The following CSMD1 variants were observed in gnomAD, a reference collection of about 807,000 sequenced individuals.
The protein encoded by CSMD1 is CUB and sushi domain-containing protein 1.
In CSMD1, 213 loss-of-function variants were observed where a neutral mutation model predicts 417.5. That is an observed-to-expected ratio of 0.51 (90% CI 0.46 to 0.57). The LOEUF is 0.57. Among genes scored for constraint, CSMD1 ranks in the 20% least tolerant of loss-of-function variants. The probability of loss-of-function intolerance (pLI) is 0.00; values close to 1 mark genes in which losing one functional copy is unlikely to be tolerated. For synonymous variants in CSMD1, 2,862 were observed against 1,736.8 expected, an observed-to-expected ratio of 1.65 and a Z score of -16.11; for missense variants, 6,923 against 4,529.7, an observed-to-expected ratio of 1.53 and a Z score of -15.17.
At chr8:3,342,921 CAA>C (rs1807755698) in intron 23 of CSMD1, among the ~76,000 whole-genome samples, 1 of 143,716 alleles carries the variant, frequency 7.0e-6, no homozygotes, top group East Asian at 1.9e-4. Context: ...GTGTGTCATT[CAA>C]AGTCTATTAC....
chr8:3,451,852 G>A (rs1815742282), intron 12 of CSMD1, among the ~76,000 whole-genome samples: 2 of 152,160 alleles, frequency 1.3e-5, no homozygotes. Context: ...ATTACGTGAA[G>A]AAAGTCATTG....
chr8:4,100,868 G>A (rs1179013768), intron 3 of CSMD1, among the ~76,000 whole-genome samples: 1 of 152,160 alleles, frequency 6.6e-6, no homozygotes, highest in Non-Finnish European at 1.5e-5. Context: ...AAAAATATAT[G>A]TTAGAAAGCC....
At chr8:4,730,817 G>A (rs192758084) in intron 1 of CSMD1, among the ~76,000 whole-genome samples, 2 of 152,144 alleles carry the variant, frequency 1.3e-5, no homozygotes, top group African/African-American at 2.4e-5. Flanking sequence ...GATTTTCTTG[G>A]TTTTTGTGCA....
intron 35 of CSMD1, among the ~76,000 whole-genome samples, 198 bp downstream of exon 35, chr8:3,188,689 G>T (rs373413116): frequency 0.14 from 20,955 of 151,868 alleles, 1,816 homozygotes; most frequent in Admixed American, 0.21. Flanking sequence ...ATAGAAAAAT[G>T]GTTAGAAATA....
intron 7 of CSMD1, among the ~76,000 whole-genome samples, chr8:3,617,208 T>G (rs554989460): frequency 6.6e-6 from 1 of 152,200 alleles, no homozygotes; most frequent in Admixed American, 6.5e-5. Context: ...ATTTACTAAC[T>G]TCTATACAAA....
intron 1 of CSMD1, among the ~76,000 whole-genome samples, chr8:4,731,912 G>C (rs1207668688): frequency 6.6e-6 from 1 of 151,924 alleles, no homozygotes; most frequent in Non-Finnish European, 1.5e-5. Context: ...TTCTTATAGG[G>C]CCAAAGATAA....
intron 1 of CSMD1, among the ~76,000 whole-genome samples, chr8:4,739,727 G>A (rs772181210): frequency 2.0e-5 from 3 of 152,080 alleles, no homozygotes; most frequent in East Asian, 3.9e-4. Context: ...GGAGCTCGTG[G>A]TGGTACTTTG....
intron 3 of CSMD1, among the ~76,000 whole-genome samples, chr8:4,275,697 T>C (rs1796445836): frequency 1.3e-5 from 2 of 152,208 alleles, no homozygotes; most frequent in Admixed American, 6.5e-5. Context: ...GTTTTAGTGA[T>C]AATACTCAGT....
chr8:3,755,382 T>G (rs1797600021), intron 5 of CSMD1, among the ~76,000 whole-genome samples: 1 of 152,256 alleles, frequency 6.6e-6, no homozygotes, highest in Admixed American at 6.5e-5. Context: ...ATTCTCCATG[T>G]GCTCTACAAG....
chr8:3,307,417 T>TTTTTTTCAGCTACTAAAAGTCATGATG, intron 25 of CSMD1, among the ~76,000 whole-genome samples: 1 of 2,216 alleles, frequency 4.5e-4, no homozygotes, highest in South Asian at 6.7e-3. Flanking sequence ...AGTCATGATG[T>TTTTTTTCAGCTACTAAAAGTCATGATG]TTTTTTTCAG....
intron 2 of CSMD1, among the ~76,000 whole-genome samples, chr8:4,471,999 A>G (rs997558994): frequency 2.0e-5 from 3 of 152,170 alleles, no homozygotes; most frequent in African/African-American, 4.8e-5. Flanking sequence ...CTCTAACCCT[A>G]AGAATCAACA....
At chr8:3,750,981 G>T (rs113570505) in intron 6 of CSMD1, among the ~76,000 whole-genome samples, 4 of 152,052 alleles carry the variant, frequency 2.6e-5, no homozygotes, top group African/African-American at 9.7e-5. Flanking sequence ...GATGGGTCTT[G>T]TCATCTTCCT....
At chr8:4,853,154 C>G (rs991375192) in intron 1 of CSMD1, among the ~76,000 whole-genome samples, 3 of 152,152 alleles carry the variant, frequency 2.0e-5, no homozygotes, top group Non-Finnish European at 4.4e-5. Flanking sequence ...CAAACACTTT[C>G]TAGAGAGATT....
chr8:3,212,831 C>CT (rs35152655), intron 30 of CSMD1, among the ~76,000 whole-genome samples: 23,792 of 138,370 alleles, frequency 0.17, 2,400 homozygotes, highest in Admixed American at 0.24. Context: ...TTCTTATATA[C>CT]TTTTTTTTTT....
At chr8:3,390,535 G>C (rs955383129) in intron 17 of CSMD1, among the ~76,000 whole-genome samples, 2 of 151,894 alleles carry the variant, frequency 1.3e-5, no homozygotes, top group Non-Finnish European at 2.9e-5. Flanking sequence ...ACAGCACAAA[G>C]AGAAATACAG....
intron 8 of CSMD1, among the ~76,000 whole-genome samples, chr8:3,588,795 C>G (rs2449184): frequency 0.35 from 52,753 of 151,966 alleles, 10,348 homozygotes; most frequent in Middle Eastern, 0.44. Context: ...AAGAGACACC[C>G]TGCAGAATGG....
At chr8:3,670,484 A>C (rs1275717121) in intron 7 of CSMD1, among the ~76,000 whole-genome samples, 1 of 146,856 alleles carries the variant, frequency 6.8e-6, no homozygotes, top group Non-Finnish European at 1.5e-5. Context: ...ATATATATAT[A>C]TCCCGTATAT....
chr8:4,465,100 G>A (rs1296544020), intron 2 of CSMD1, among the ~76,000 whole-genome samples: 1 of 152,104 alleles, frequency 6.6e-6, no homozygotes, highest in African/African-American at 2.4e-5. Flanking sequence ...TTTTCACTGG[G>A]AGACACTAAC....
chr8:3,606,389 G>C (rs542262612), intron 8 of CSMD1, among the ~76,000 whole-genome samples: 7 of 152,120 alleles, frequency 4.6e-5, no homozygotes, highest in African/African-American at 1.7e-4. Context: ...ACTGTACTGA[G>C]TACTGTAGGC....
Sources: gnomAD v4.1 joint callset for allele counts (sites outside exome capture counted in the v4.1 genomes callset) on GRCh38, gnomAD v4.1.1 for gene constraint, MANE v1.5 for transcripts, NCBI Gene and HGNC (gene_info 2026-07-23, HGNC 2026-07-21) for gene names.